PXDNL: variants seen among roughly 807,000 people sequenced by gnomAD.
The protein encoded by PXDNL is peroxidasin like.
PXDNL carries 145 observed loss-of-function variants against 150.8 expected under a neutral mutation model. That is an observed-to-expected ratio of 0.96 (90% CI 0.84 to 1.10). The LOEUF (loss-of-function observed/expected upper bound fraction) is 1.10, where lower values mean the gene tolerates loss of function less well. Ranked by LOEUF, PXDNL falls within the 50% of genes least tolerant of loss-of-function variation. PXDNL has a pLI of 0.00. For missense variants in PXDNL, 2,087 were observed against 1,873.9 expected (o/e 1.11, Z -2.10); for synonymous variants, 757 against 725.7 (o/e 1.04, Z -0.69).
intron 4 of PXDNL, among the ~76,000 whole-genome samples, chr8:51,506,584 G>T (rs1004689251): frequency 3.8e-4 from 53 of 139,348 alleles, no homozygotes; most frequent in Middle Eastern, 3.9e-3. Context: ...TACAGAAAAA[G>T]TCATGTTTCT....
chr8:51,723,079 C>G (rs995503178), intron 1 of PXDNL, among the ~76,000 whole-genome samples: 2 of 151,144 alleles, frequency 1.3e-5, no homozygotes, highest in African/African-American at 2.4e-5. Context: ...CTGCCCCACA[C>G]ACAATAAAAA....
intron 1 of PXDNL, among the ~76,000 whole-genome samples, chr8:51,691,015 T>C (rs553605933): frequency 6.6e-6 from 1 of 152,242 alleles, no homozygotes; most frequent in South Asian, 2.1e-4. Flanking sequence ...TTTGATGGGG[T>C]TGTTTGTTCT....
In PXDNL at chr8:51,445,262, C is replaced by T. The variant is rs992620321; in HGVS notation, c.1525+1742G>A. 7.2e-5 allele frequency among the ~76,000 whole-genome samples: 11 copies of T among 152,136 alleles called. No individual in the cohort carries two copies. The South Asian group carries it at 2.3e-3, about 31-fold the overall frequency. Reference sequence around the variant, plus strand: ...TTCTGAATAATCGATCTGATCAAGACTTTCAATAGTTCTATAGTCTGAAGT... The same window carrying T: ...TTCTGAATAATCGATCTGATCAAGATTTTCAATAGTTCTATAGTCTGAAGT... On this transcript the variant is annotated intron_variant, in intron 12 of 22. Coordinates refer to ENST00000356297, the MANE Select transcript of PXDNL (RefSeq NM_144651.5).
At chr8:51,654,872 AG>A (rs1815119206) in intron 1 of PXDNL, 112 bp from the exon 2 acceptor site, 1 of 764,172 alleles carries the variant, frequency 1.3e-6, no homozygotes, top group African/African-American at 1.7e-5. Context: ...ACAGTACTAA[AG>A]GACTAAATAT....
intron 5 of PXDNL, among the ~76,000 whole-genome samples, chr8:51,484,153 A>C (rs1490446999): frequency 6.6e-6 from 1 of 152,114 alleles, no homozygotes; most frequent in Non-Finnish European, 1.5e-5. Flanking sequence ...TTAAATTTAA[A>C]AATACAGGCG....
intron 1 of PXDNL, among the ~76,000 whole-genome samples, chr8:51,802,332 C>A (rs917154224): frequency 1.3e-5 from 2 of 152,180 alleles, no homozygotes; most frequent in African/African-American, 4.8e-5. Context: ...GGATTTTAAA[C>A]ATAACTCTGA....
intron 4 of PXDNL, among the ~76,000 whole-genome samples, chr8:51,544,928 A>C (rs116336838): frequency 0.019 from 2,828 of 152,190 alleles, 37 homozygotes; most frequent in African/African-American, 0.034. Flanking sequence ...CATCTCCGGC[A>C]CCTTAAGATC....
chr8:51,750,176 C>T (rs1292983931), intron 1 of PXDNL, among the ~76,000 whole-genome samples: 1 of 151,978 alleles, frequency 6.6e-6, no homozygotes, highest in Non-Finnish European at 1.5e-5. Flanking sequence ...TCCTTATTTA[C>T]AAGCTTTTTA....
chr8:51,639,472 G>C (rs1194848342), intron 2 of PXDNL, among the ~76,000 whole-genome samples: 1 of 151,942 alleles, frequency 6.6e-6, no homozygotes, highest in Non-Finnish European at 1.5e-5. Context: ...TAATAAAGAA[G>C]AAAAGAGAGA....
intron 2 of PXDNL, among the ~76,000 whole-genome samples, chr8:51,599,329 T>A (rs1813642543): frequency 6.6e-6 from 1 of 151,996 alleles, no homozygotes; most frequent in African/African-American, 2.4e-5. Flanking sequence ...GATATCAGAT[T>A]GTTAATTTGA....
At chr8:51,445,480 A>G (rs1384184887) in intron 12 of PXDNL, among the ~76,000 whole-genome samples, 1 of 152,224 alleles carries the variant, frequency 6.6e-6, no homozygotes, top group African/African-American at 2.4e-5. Flanking sequence ...GATTTATCAA[A>G]TTCTTCTACA....
chr8:51,730,591 G>A (rs12676244), intron 1 of PXDNL, among the ~76,000 whole-genome samples: 22,028 of 152,024 alleles, frequency 0.14, 1,990 homozygotes, highest in Non-Finnish European at 0.2. Flanking sequence ...ATTCTCTAAC[G>A]GAAGAAGGCA....
At chr8:51,608,952 T>C (rs976459149) in intron 2 of PXDNL, among the ~76,000 whole-genome samples, 2 of 151,940 alleles carry the variant, frequency 1.3e-5, no homozygotes, top group African/African-American at 4.8e-5. Flanking sequence ...AATACTCAAA[T>C]TGACGAGGTG....
intron 17 of PXDNL, among the ~76,000 whole-genome samples, chr8:51,385,183 C>T (rs1807661702): frequency 6.6e-6 from 1 of 152,130 alleles, no homozygotes. Flanking sequence ...CCACTGGTTA[C>T]ATACAGTAAC....
intron 2 of PXDNL, among the ~76,000 whole-genome samples, chr8:51,599,328 T>C (rs949766797): frequency 1.3e-5 from 2 of 152,010 alleles, no homozygotes; most frequent in African/African-American, 2.4e-5. Flanking sequence ...TGATATCAGA[T>C]TGTTAATTTG....
intron 5 of PXDNL, among the ~76,000 whole-genome samples, chr8:51,484,860 G>A (rs1406169680): frequency 6.6e-6 from 1 of 152,176 alleles, no homozygotes; most frequent in Non-Finnish European, 1.5e-5. Flanking sequence ...GCCAGGGATT[G>A]TCTAGTCACC....
intron 1 of PXDNL, among the ~76,000 whole-genome samples, chr8:51,700,033 G>C (rs1394593513): frequency 5.3e-5 from 8 of 152,096 alleles, no homozygotes; most frequent in Non-Finnish European, 1.2e-4. Flanking sequence ...GACAGGAAGT[G>C]AGCACATGCT....
intron 17 of PXDNL, among the ~76,000 whole-genome samples, chr8:51,397,663 A>G (rs930710923): frequency 7.9e-5 from 12 of 152,192 alleles, no homozygotes; most frequent in Admixed American, 6.5e-4. Flanking sequence ...CTGCAGGGGT[A>G]ACAATATTAG....
chr8:51,408,292 C>T lies in PXDNL; in HGVS notation c.3332G>A (p.Trp1111Ter), dbSNP rs1808495274. The change falls in exon 17 of 23, where the codon TGG becomes TAG. Residue 1111 changes from tryptophan to a stop codon, truncating the protein, a stop_gained. Transcript: ENST00000356297. LOFTEE classifies it high-confidence loss of function. The part of the protein sequence containing the change: ...LRGLFGVAAK[W>*]RAPSYLLSPE... ...ACTGAGAAGGTAGGAGGGTGCCCGCCATTTAGCAGCCACGCCAAACAGCCC... is the reference window on the plus strand; with the variant it reads ...ACTGAGAAGGTAGGAGGGTGCCCGCTATTTAGCAGCCACGCCAAACAGCCC... 6.2e-7 allele frequency: 1 copy of T among 1,613,938 alleles called. No homozygotes were observed. Among genetic ancestry groups the T allele is most frequent in the Non-Finnish European group, 8.5e-7 (1 of 1,179,860 alleles).
Sources: gnomAD v4.1 joint callset for allele counts (sites outside exome capture counted in the v4.1 genomes callset) on GRCh38, gnomAD v4.1.1 for gene constraint, MANE v1.5 for transcripts, NCBI Gene and HGNC (gene_info 2026-07-23, HGNC 2026-07-21) for gene names.